LRRC37A3: variants seen among roughly 807,000 people sequenced by gnomAD.
LRRC37A3 encodes the protein leucine rich repeat containing 37 member A3, also known as leucine-rich repeat-containing protein 37A3.
A neutral mutation model predicts 106.2 loss-of-function variants in LRRC37A3; 25 were observed. That is an observed-to-expected ratio of 0.24 (90% confidence interval 0.17 to 0.33). The LOEUF (loss-of-function observed/expected upper bound fraction) is 0.33. Ranked by LOEUF, LRRC37A3 falls within the 10% of genes least tolerant of loss-of-function variation. LRRC37A3 has a pLI of 1.00. For missense variants in LRRC37A3, 712 were observed against 1,644.9 expected, an observed-to-expected ratio of 0.43 and a Z score of 9.81; for synonymous variants, 305 against 635.8, an observed-to-expected ratio of 0.48 and a Z score of 7.83.
At chr17:64,916,853 C>A (rs1454918895) in intron 2 of LRRC37A3, among the ~76,000 whole-genome samples, 1 of 147,918 alleles carries the variant, frequency 6.8e-6, no homozygotes, top group African/African-American at 2.5e-5. Context: ...TCAAAAGATG[C>A]ACATAAAAAG....
intron 10 of LRRC37A3, among the ~76,000 whole-genome samples, chr17:64,866,291 G>C (rs1261979240): frequency 6.6e-6 from 1 of 152,018 alleles, no homozygotes; most frequent in Non-Finnish European, 1.5e-5. Context: ...ACAGGAGGCT[G>C]AGGAAAGTGA....
chr17:64,880,107 T>C (rs61191947), intron 8 of LRRC37A3, among the ~76,000 whole-genome samples: 5,775 of 151,624 alleles, frequency 0.038, 363 homozygotes, highest in African/African-American at 0.13. Flanking sequence ...TTGTCCCTAA[T>C]GAAATCAAAA....
chr17:64,862,227 A>G (rs1972900970), intron 11 of LRRC37A3, among the ~76,000 whole-genome samples: 1 of 152,216 alleles, frequency 6.6e-6, no homozygotes, highest in South Asian at 2.1e-4. Context: ...ACATGAAAGC[A>G]GTCACATTTT....
At chr17:64,865,670 C>T (rs913946494) in intron 10 of LRRC37A3, among the ~76,000 whole-genome samples, 18 of 152,154 alleles carry the variant, frequency 1.2e-4, no homozygotes, top group African/African-American at 4.1e-4. Context: ...TGACCCTTCA[C>T]CATTGAAGAC....
chr17:64,912,874 C>A (rs1178548301), intron 2 of LRRC37A3, among the ~76,000 whole-genome samples: 9 of 145,720 alleles, frequency 6.2e-5, no homozygotes, highest in Non-Finnish European at 1.0e-4. Flanking sequence ...ATGGCAAAAC[C>A]CCATCTCTAT....
intron 10 of LRRC37A3, among the ~76,000 whole-genome samples, chr17:64,866,264 C>T (rs1470035417): frequency 6.6e-6 from 1 of 151,936 alleles, no homozygotes; most frequent in Non-Finnish European, 1.5e-5. Flanking sequence ...AGGGATCCAG[C>T]TGACGGGGAA....
chr17:64,855,214 G>A (rs1343135352), intron 14 of LRRC37A3, among the ~76,000 whole-genome samples: 3 of 151,690 alleles, frequency 2.0e-5, no homozygotes, highest in East Asian at 1.9e-4. Context: ...CTCAGTTCTA[G>A]GATCCAGGGG....
At chr17:64,863,861 T>A (rs1302405427) in intron 10 of LRRC37A3, among the ~76,000 whole-genome samples, 1 of 152,032 alleles carries the variant, frequency 6.6e-6, no homozygotes, top group Non-Finnish European at 1.5e-5. Context: ...TGAAATACAG[T>A]GGCAAAATTA....
chr17:64,890,989 GCCTA>G (rs1233746885), intron 5 of LRRC37A3, among the ~76,000 whole-genome samples: 4 of 81,952 alleles, frequency 4.9e-5, no homozygotes, highest in Non-Finnish European at 8.7e-5. Flanking sequence ...CAGGTGATCC[GCCTA>G]CCTCCCAAGG....
At chr17:64,917,042 G>C (rs1251579111) in intron 2 of LRRC37A3, among the ~76,000 whole-genome samples, 1 of 151,000 alleles carries the variant, frequency 6.6e-6, no homozygotes, top group Non-Finnish European at 1.5e-5. Context: ...TCAGGATATC[G>C]AGACCATCCT....
chr17:64,869,890 A>G (rs1201129725), intron 8 of LRRC37A3, among the ~76,000 whole-genome samples: 3 of 137,996 alleles, frequency 2.2e-5, no homozygotes, highest in African/African-American at 8.8e-5. Flanking sequence ...TTTAATTTGC[A>G]CAGTTAAAAA....
intron 4 of LRRC37A3, among the ~76,000 whole-genome samples, chr17:64,893,648 ATTTT>A (rs3972251): frequency 1.2e-5 from 1 of 86,944 alleles, no homozygotes; most frequent in Non-Finnish European, 2.2e-5. Context: ...CCCTCCTATC[ATTTT>A]TTTTTTTTTT....
chr17:64,860,828 C>G lies in LRRC37A3; in HGVS notation c.3318G>C (p.Glu1106Asp). 6.2e-7 allele frequency: 1 copy of G among 1,614,210 alleles called. No individual in the cohort carries two copies. The highest frequency in any genetic ancestry group is 8.5e-7 in the Non-Finnish European group (1 of 1,180,050). ...SGINLSGFGS[E>D]QLDTNDESDV... ...CACTCTCGTCATTGGTGTCTAGCTGCTCACTCCCAAAGCCTGACAAGTTGA... is the reference window on the plus strand; with the variant it reads ...CACTCTCGTCATTGGTGTCTAGCTGGTCACTCCCAAAGCCTGACAAGTTGA... Residue 1106 changes from glutamate (E) to aspartate (D), a missense_variant, in exon 12 of 15, where the codon GAG becomes GAC. Glu to Asp is a conservative substitution (Grantham distance 45, BLOSUM62 2). Transcript: ENST00000584306.
chr17:64,861,715 G>A (rs1228165384), intron 11 of LRRC37A3, among the ~76,000 whole-genome samples: 3 of 152,266 alleles, frequency 2.0e-5, no homozygotes, highest in East Asian at 1.9e-4. Context: ...TAGCAGTTTC[G>A]GGATAAACAT....
At chr17:64,898,739 CCAAG>C (rs1974208318) in intron 2 of LRRC37A3, 1 of 740,056 alleles carries the variant, frequency 1.4e-6, no homozygotes, top group Non-Finnish European at 1.6e-6. Flanking sequence ...CACTGTAGCC[CCAAG>C]TTAAGTTCCC....
In LRRC37A3 at chr17:64,868,732, CT is replaced by C. The variant is rs368133732; in HGVS notation, c.2979-197del. 7.3e-3 allele frequency among the ~76,000 whole-genome samples: 1,009 copies of C among 139,048 alleles called. 16 individuals are homozygous for C. Among genetic ancestry groups the C allele is most frequent in the African/African-American group, 0.022 (886 of 40,042 alleles). The allele number at this position is 139,048 out of a possible 152,430, so 91.2% of individuals were successfully genotyped here. ...ATGATACTCAAGAGCAGAACTTACACTTTTTTTTTTTACCATTATCTTCTCA... is the reference window on the plus strand; with the variant it reads ...ATGATACTCAAGAGCAGAACTTACACTTTTTTTTTTACCATTATCTTCTCA... On this transcript the variant is annotated intron_variant, in intron 9 of 14. Transcript: ENST00000584306.
chr17:64,905,013 TAGTTAATTA>T (rs1974422491), intron 2 of LRRC37A3, among the ~76,000 whole-genome samples: 1 of 149,982 alleles, frequency 6.7e-6, no homozygotes, highest in South Asian at 2.1e-4. Flanking sequence ...CTCTCAAAAT[TAGTTAATTA>T]ATAAATCAAT....
At chr17:64,869,532 A>AT (rs1157660467) in intron 8 of LRRC37A3, among the ~76,000 whole-genome samples, 5,520 of 125,092 alleles carry the variant, frequency 0.044, 229 homozygotes, top group African/African-American at 0.094. Context: ...TTGTTCATCT[A>AT]TTTTTTTTTT....
At position 64,860,529 on chromosome 17, in the gene LRRC37A3, A is replaced by G; in HGVS notation, c.3617T>C (p.Leu1206Pro). 1 of 1,612,746 alleles carries G rather than the reference A, an allele frequency of 6.2e-7. No individual in the cohort carries two copies. ...SVENTAEEKR[L>P]GSPAPRELKQ... ...CAGCTCCCTTGGGGCTGGACTTCCG[A>G]GCCTTTTTTCTTCGGCAGTGTTCTC... is the stretch of plus-strand genomic sequence containing the variant. Residue 1206 changes from leucine (L) to proline (P), a missense_variant, in exon 12 of 15, where the codon CTC (leucine) becomes CCC (proline). Leu to Pro is a moderately conservative substitution (Grantham distance 98). Transcript: ENST00000584306.
Sources: allele counts gnomAD v4.1 joint callset (sites outside exome capture counted in the v4.1 genomes callset), GRCh38; gene constraint gnomAD v4.1.1; transcripts MANE v1.5; gene names NCBI Gene and HGNC (gene_info 2026-07-23, HGNC 2026-07-21).